Variants in PLEKHA7 observed in about 807,000 individuals in gnomAD.
PLEKHA7 encodes pleckstrin homology domain-containing family A member 7.
Under a neutral mutation model 170.0 loss-of-function variants are expected in PLEKHA7, and 104 were observed. The ratio of observed to expected loss-of-function variants is 0.61; its 90% CI spans 0.52 to 0.72. The LOEUF is 0.72. PLEKHA7 is among the 30% of genes least tolerant of loss of function. PLEKHA7 has a pLI of 0.00. For synonymous variants in PLEKHA7, 648 were observed against 660.8 expected (o/e 0.98, Z 0.30); for missense variants, 1,615 against 1,671.7 (o/e 0.97, Z 0.59).
chr11:16,825,598 G>C (rs539548433), intron 10 of PLEKHA7, among the ~76,000 whole-genome samples: 3 of 152,314 alleles, frequency 2.0e-5, no homozygotes, highest in African/African-American at 7.2e-5. Flanking sequence ...AATAGCAAGA[G>C]ATGCATGCCT....
At chr11:16,820,807 C>T (rs1342171082) in intron 10 of PLEKHA7, among the ~76,000 whole-genome samples, 1 of 152,202 alleles carries the variant, frequency 6.6e-6, no homozygotes, top group Non-Finnish European at 1.5e-5. Flanking sequence ...CATCCTCTAA[C>T]CTGTACCCTC....
intron 3 of PLEKHA7, among the ~76,000 whole-genome samples, chr11:16,916,785 CTTTT>C (rs1166889266): frequency 3.3e-5 from 5 of 152,116 alleles, no homozygotes; most frequent in Non-Finnish European, 7.4e-5. Context: ...CATTGATGCT[CTTTT>C]TTTCCCACCA....
chr11:16,844,426 A>G (rs1852222637), intron 8 of PLEKHA7, among the ~76,000 whole-genome samples: 1 of 152,208 alleles, frequency 6.6e-6, no homozygotes, highest in Non-Finnish European at 1.5e-5. Context: ...TCAATGGATT[A>G]ACTGTGAAGG....
At position 16,803,231 on chromosome 11, in the gene PLEKHA7, G is replaced by C. The variant is rs763508929; in HGVS notation, c.2072C>G (p.Thr691Ser). The C allele has an allele frequency of 2.5e-6, 4 of 1,613,746 alleles. No homozygotes were observed. The highest frequency in any genetic ancestry group is 1.7e-5 in the Admixed American group (1 of 60,020). Reference sequence around the variant, plus strand: ...CGTGTCACTCTGCTCACTCACGTCAGTGTCGCTCTCAGCGATCTTCACAGG... The same window carrying C: ...CGTGTCACTCTGCTCACTCACGTCACTGTCGCTCTCAGCGATCTTCACAGG... Reference protein sequence around the residue: ...LKPVKIAESDTDVKLSIFCEQ... With the variant: ...LKPVKIAESDSDVKLSIFCEQ... Residue 691 changes from threonine (T) to serine (S), a missense_variant, in exon 14 of 27, where the codon ACT becomes AGT. Coordinates refer to ENST00000531066, the MANE Select transcript of PLEKHA7 (RefSeq NM_001329630.2).
intron 3 of PLEKHA7, among the ~76,000 whole-genome samples, chr11:16,978,248 A>G (rs751710881): frequency 6.6e-6 from 1 of 152,236 alleles, no homozygotes; most frequent in Admixed American, 6.5e-5. Context: ...CTTAATGCTG[A>G]TAACAAGGCC....
intron 3 of PLEKHA7, among the ~76,000 whole-genome samples, chr11:16,947,954 A>G (rs553847792): frequency 3.7e-4 from 56 of 152,056 alleles, no homozygotes; most frequent in Admixed American, 5.3e-4. Context: ...AAAAAAGAAA[A>G]GAAAACATGC....
At chr11:16,895,693 G>T (rs1482506107) in intron 3 of PLEKHA7, among the ~76,000 whole-genome samples, 1 of 152,208 alleles carries the variant, frequency 6.6e-6, no homozygotes, top group South Asian at 2.1e-4. Flanking sequence ...AAAGCAAATT[G>T]TATCAGGCCT....
chr11:16,817,018 C>A lies in PLEKHA7; in HGVS notation c.1648G>T (p.Asp550Tyr). 6.2e-7 allele frequency: 1 copy of A among 1,603,256 alleles called. No individual in the cohort carries two copies. The highest frequency in any genetic ancestry group is 8.5e-7 in the Non-Finnish European group (1 of 1,173,684). ...PICLGSPEFT[D>Y]QGRSRSMLEV... is the part of the protein sequence containing the mutation. Reference sequence around the variant, plus strand: ...AGCATGCTCCTGCTCCGGCCCTGGTCGGTGAACTCTGGGGAGCCAAGGCAG... The same window carrying A: ...AGCATGCTCCTGCTCCGGCCCTGGTAGGTGAACTCTGGGGAGCCAAGGCAG... The change falls in exon 11 of 27, where the codon GAC becomes TAC. Residue 550 changes from aspartate to tyrosine, a missense_variant. Transcript: ENST00000531066. The surrounding 1 kb of genome is among the most constrained non-coding windows in gnomAD (Gnocchi z 4.4).
At chr11:16,846,100 C>CA (rs973965247) in intron 8 of PLEKHA7, among the ~76,000 whole-genome samples, 9 of 152,180 alleles carry the variant, frequency 5.9e-5, no homozygotes, top group Admixed American at 3.9e-4. Flanking sequence ...GCCTGGCCAA[C>CA]ATGGTGAAAC....
intron 3 of PLEKHA7, among the ~76,000 whole-genome samples, chr11:16,915,471 C>T (rs1364771355): frequency 6.6e-6 from 1 of 151,616 alleles, no homozygotes; most frequent in Non-Finnish European, 1.5e-5. Context: ...ACTAACTCGT[C>T]ATCTAGCATT....
chr11:16,943,643 G>A lies in PLEKHA7; in HGVS notation c.221+70346C>T, dbSNP rs1481355262. On this transcript the variant is annotated intron_variant, in intron 3 of 26. Transcript: ENST00000531066. ...GCAAGAAAATGGGAATGGGAAGGAGGGATTATTACAATAAATAAGAGTATT... is the reference window on the plus strand; with the variant it reads ...GCAAGAAAATGGGAATGGGAAGGAGAGATTATTACAATAAATAAGAGTATT... 5.3e-5 allele frequency among the ~76,000 whole-genome samples: 8 copies of A among 151,974 alleles called. No individual in the cohort carries two copies. In the South Asian group the frequency reaches 1.7e-3, roughly 32 times the overall value.
At chr11:16,861,687 G>A (rs1248463987) in intron 4 of PLEKHA7, among the ~76,000 whole-genome samples, 1 of 152,022 alleles carries the variant, frequency 6.6e-6, no homozygotes, top group East Asian at 1.9e-4. Context: ...ATGATGGGAG[G>A]TTAGAAAGCT....
intron 19 of PLEKHA7, among the ~76,000 whole-genome samples, chr11:16,792,785 T>C (rs1194383021): frequency 6.6e-6 from 1 of 152,194 alleles, no homozygotes; most frequent in Non-Finnish European, 1.5e-5. Context: ...GGGTTTTATT[T>C]TGTTTTGAGA....
intron 3 of PLEKHA7, among the ~76,000 whole-genome samples, chr11:16,888,905 T>TAAA (rs58570999): frequency 2.3e-5 from 3 of 129,630 alleles, no homozygotes; most frequent in African/African-American, 5.8e-5. Context: ...AGGGGGAAGA[T>TAAA]AAAAAAAAAA....
chr11:16,981,497 C>G (rs1325599705), intron 3 of PLEKHA7, among the ~76,000 whole-genome samples: 1 of 152,136 alleles, frequency 6.6e-6, no homozygotes, highest in African/African-American at 2.4e-5. Context: ...TGCTCCAGAA[C>G]AGGCCACAGG....
At chr11:17,002,544 G>A (rs1239370616) in intron 3 of PLEKHA7, among the ~76,000 whole-genome samples, 1 of 152,118 alleles carries the variant, frequency 6.6e-6, no homozygotes, top group Non-Finnish European at 1.5e-5. Flanking sequence ...TGGGGCCTTG[G>A]GAAGATCTAT....
intron 3 of PLEKHA7, among the ~76,000 whole-genome samples, chr11:16,885,119 T>A (rs1855984320): frequency 6.6e-6 from 1 of 152,098 alleles, no homozygotes; most frequent in Admixed American, 6.5e-5. Context: ...GGCAGGTGGA[T>A]CATTTGAGGT....
At chr11:16,956,995 C>G (rs1056757994) in intron 3 of PLEKHA7, among the ~76,000 whole-genome samples, 8 of 152,128 alleles carry the variant, frequency 5.3e-5, no homozygotes, top group African/African-American at 9.7e-5. Flanking sequence ...ATCACCTCCC[C>G]CCGTGGCTTT....
chr11:16,786,895 C>T, intron 23 of PLEKHA7: 1 of 985,352 alleles, frequency 1.0e-6, no homozygotes, highest in Non-Finnish European at 1.2e-6. Flanking sequence ...CTCGCACTTA[C>T]AGTAGGGCTG....
Sources: allele counts gnomAD v4.1 joint callset (sites outside exome capture counted in the v4.1 genomes callset), GRCh38; gene constraint gnomAD v4.1.1; non-coding constraint Gnocchi (gnomAD v3.1); transcripts MANE v1.5; gene names NCBI Gene and HGNC (gene_info 2026-07-23, HGNC 2026-07-21).